Variants in FGF14 observed in about 807,000 individuals in gnomAD.
The protein encoded by FGF14 is fibroblast growth factor homologous factor 4.
FGF14 carries 5 observed loss-of-function variants against 25.5 expected under a neutral mutation model. The ratio of observed to expected loss-of-function variants is 0.20; its 90% CI spans 0.10 to 0.41. The LOEUF is 0.41. FGF14 is among the 10% of genes least tolerant of loss of function. The pLI is 1.00. For synonymous variants in FGF14, 138 were observed against 118.3 expected (o/e 1.17, Z -1.08); for missense variants, 222 against 320.1 (o/e 0.69, Z 2.34).
At chr13:102,292,305 A>AC (rs1555395273) in intron 1 of FGF14, 5,300 of 130,606 alleles carry the variant, frequency 0.041, 335 homozygotes, top group East Asian at 0.13. Context: ...AAAAAAAAAA[A>AC]CTGACAATTT....
Position 101,998,559 on chromosome 13 carries a change from GTTGT to G in FGF14, c.209-123267_209-123264del, listed in dbSNP as rs528875629. 3.3e-5 allele frequency among the ~76,000 whole-genome samples: 5 copies of G among 152,276 alleles called. No individual in the cohort carries two copies. In the East Asian group the frequency reaches 7.7e-4, roughly 24 times the overall value. On this transcript the variant is annotated intron_variant, in intron 1 of 4. Transcript: ENST00000376131. ...GGTTCAAATCAGTTCTTGAAAGATTGTTGTTTATTAGTTGGATTTTGTTTTGTGA... is the reference window on the plus strand; with the variant it reads ...GGTTCAAATCAGTTCTTGAAAGATTGTTATTAGTTGGATTTTGTTTTGTGA...
intron 1 of FGF14, among the ~76,000 whole-genome samples, chr13:101,906,521 AAAAG>A (rs2032265657): frequency 6.6e-6 from 1 of 152,186 alleles, no homozygotes; most frequent in African/African-American, 2.4e-5. Context: ...AGGCTTTTTC[AAAAG>A]AAAGAGAATT....
At chr13:101,748,298 GC>G (rs1487753075) in intron 3 of FGF14, among the ~76,000 whole-genome samples, 2 of 151,904 alleles carry the variant, frequency 1.3e-5, no homozygotes, top group African/African-American at 4.8e-5. Flanking sequence ...ATACTACCCA[GC>G]CATAAAAAAA....
At chr13:101,819,258 A>T (rs1168698565) in intron 3 of FGF14, among the ~76,000 whole-genome samples, 1 of 152,234 alleles carries the variant, frequency 6.6e-6, no homozygotes, top group Non-Finnish European at 1.5e-5. Context: ...AAGGGCAGCA[A>T]GAAAAGAAGG....
At chr13:102,071,750 G>A (rs1027761700) in intron 1 of FGF14, among the ~76,000 whole-genome samples, 32 of 152,178 alleles carry the variant, frequency 2.1e-4, no homozygotes, top group African/African-American at 7.7e-4. Context: ...GATACCTACT[G>A]AGTAATGATA....
chr13:101,843,535 T>C (rs1594450553), intron 3 of FGF14, among the ~76,000 whole-genome samples: 1 of 152,022 alleles, frequency 6.6e-6, no homozygotes, highest in South Asian at 2.1e-4. Context: ...AACTTATGCA[T>C]AATATGATGC....
chr13:101,802,925 C>T (rs1333692632), intron 3 of FGF14, among the ~76,000 whole-genome samples: 1 of 152,020 alleles, frequency 6.6e-6, no homozygotes. Context: ...GGAGAAGAGG[C>T]CTTTTGGAGA....
chr13:102,194,434 T>TG (rs2049260200), intron 1 of FGF14, among the ~76,000 whole-genome samples: 1 of 43,120 alleles, frequency 2.3e-5, no homozygotes, highest in African/African-American at 2.9e-4. Flanking sequence ...TCCCTCCCAC[T>TG]GCCCCCCTGA....
intron 1 of FGF14, among the ~76,000 whole-genome samples, chr13:102,259,129 T>C (rs143085272): frequency 5.3e-5 from 8 of 152,190 alleles, no homozygotes; most frequent in African/African-American, 1.9e-4. Context: ...ATCTTACTCC[T>C]CTGTTGAAAG....
chr13:102,388,432 A>C (rs2058356312), intron 1 of FGF14, among the ~76,000 whole-genome samples: 1 of 152,188 alleles, frequency 6.6e-6, no homozygotes, highest in African/African-American at 2.4e-5. Context: ...ATTCTCAACA[A>C]ACCATCTATG....
chr13:102,361,635 C>T (rs2057568806), intron 1 of FGF14, among the ~76,000 whole-genome samples: 1 of 152,188 alleles, frequency 6.6e-6, no homozygotes, highest in Non-Finnish European at 1.5e-5. Flanking sequence ...CCTGCAAATG[C>T]TGTTGTTCTT....
chr13:102,000,699 T>G (rs186764151), intron 1 of FGF14, among the ~76,000 whole-genome samples: 13 of 152,356 alleles, frequency 8.5e-5, no homozygotes, highest in Admixed American at 3.3e-4. Context: ...CCCTCAGTTT[T>G]CATCCCTGAC....
chr13:102,110,753 G>A (rs1289762593), intron 1 of FGF14, among the ~76,000 whole-genome samples: 1 of 152,024 alleles, frequency 6.6e-6, no homozygotes, highest in Non-Finnish European at 1.5e-5. Flanking sequence ...AGCCTTCTAG[G>A]GAAAGAATTT....
chr13:102,153,009 T>C (rs2047155842), intron 1 of FGF14, among the ~76,000 whole-genome samples: 1 of 152,184 alleles, frequency 6.6e-6, no homozygotes, highest in African/African-American at 2.4e-5. Context: ...TGTGCACAGC[T>C]TGGGTGGAGC....
At chr13:102,377,872 A>G (rs767013645) in intron 1 of FGF14, among the ~76,000 whole-genome samples, 1 of 152,206 alleles carries the variant, frequency 6.6e-6, no homozygotes, top group South Asian at 2.1e-4. Flanking sequence ...CAAGAACAAT[A>G]TAAGACTTCA....
intron 1 of FGF14, among the ~76,000 whole-genome samples, chr13:101,998,137 C>T (rs2039288202): frequency 6.6e-6 from 1 of 151,928 alleles, no homozygotes; most frequent in Admixed American, 6.6e-5. Context: ...CAATACGCTT[C>T]TCAAAAAAAA....
chr13:102,325,965 G>A (rs1271342892), intron 1 of FGF14, among the ~76,000 whole-genome samples: 1 of 152,128 alleles, frequency 6.6e-6, no homozygotes, highest in Admixed American at 6.5e-5. Flanking sequence ...AATGGACATA[G>A]GTGATGCTTA....
chr13:102,275,281 T>TCTCTCTCTCTCTCC (rs2053479119), intron 1 of FGF14, among the ~76,000 whole-genome samples: 2 of 147,468 alleles, frequency 1.4e-5, no homozygotes, highest in African/African-American at 2.5e-5. Context: ...TCTCTCTCTC[T>TCTCTCTCTCTCTCC]CTCTCTGCCA....
At chr13:101,826,845 G>A (rs1369416215) in intron 3 of FGF14, among the ~76,000 whole-genome samples, 1 of 151,918 alleles carries the variant, frequency 6.6e-6, no homozygotes, top group Non-Finnish European at 1.5e-5. Flanking sequence ...ATTGAGCAAT[G>A]CAGAGTAGTG....
Sources: gnomAD v4.1 joint callset for allele counts (sites outside exome capture counted in the v4.1 genomes callset) on GRCh38, gnomAD v4.1.1 for gene constraint, MANE v1.5 for transcripts, NCBI Gene and HGNC (gene_info 2026-07-23, HGNC 2026-07-21) for gene names.